TG: variants seen among roughly 807,000 people sequenced by gnomAD.
TG encodes thyroglobulin, also known as thyroid hormones.
Under a neutral mutation model 324.7 loss-of-function variants are expected in TG, and 270 were observed. That is an observed-to-expected ratio of 0.83 (90% CI 0.75 to 0.92). TG has a LOEUF of 0.92. Ranked by LOEUF, TG falls within the 40% of genes least tolerant of loss-of-function variation. The probability of loss-of-function intolerance (pLI) is 0.00; values close to 1 mark genes in which losing one functional copy is unlikely to be tolerated. For synonymous variants in TG, 1,401 were observed against 1,327.0 expected (o/e 1.06, Z -1.21); for missense variants, 3,591 against 3,456.4 (o/e 1.04, Z -0.98).
chr8:132,904,684 A>T (rs1355363377), intron 16 of TG, among the ~76,000 whole-genome samples: 1 of 151,970 alleles, frequency 6.6e-6, no homozygotes, highest in Non-Finnish European at 1.5e-5. Flanking sequence ...CAGGAGGAAA[A>T]CCCCTTTCTA....
Position 132,929,107 on chromosome 8 carries a change from A to C in TG, c.4731A>C (p.Ser1577=). Residue 1577 remains serine, a synonymous_variant, in exon 23 of 48, where the codon TCA becomes TCC. Transcript: ENST00000220616. The part of the protein sequence containing the change: ...MMQKFEKVPE[S]KVIFDANAPV... The stretch of plus-strand genomic sequence containing the variant: ...AGAAGTTTGAGAAGGTTCCAGAATC[A>C]AAGGTGATCTTCGACGCCAATGCTC... 6.2e-7 allele frequency: 1 copy of C among 1,614,066 alleles called. No homozygotes were observed. Among genetic ancestry groups the C allele is most frequent in the South Asian group, 1.1e-5 (1 of 91,084 alleles).
At chr8:132,893,217 GGTGTGTATATGTGGT>G in intron 10 of TG, among the ~76,000 whole-genome samples, 1 of 140,466 alleles carries the variant, frequency 7.1e-6, no homozygotes, top group Non-Finnish European at 1.6e-5. Context: ...ATGTGTGTGT[GGTGTGTATATGTGGT>G]GTGTGTGTAT....
At chr8:133,131,763 G>A in intron 45 of TG, 49 bp from the exon 46 acceptor site, 3 of 1,610,662 alleles carry the variant, frequency 1.9e-6, no homozygotes, top group Non-Finnish European at 2.5e-6. Flanking sequence ...TTTTTGAGTA[G>A]TTTACTTTCT....
At chr8:133,078,957 G>T (rs1309147494) in intron 41 of TG, among the ~76,000 whole-genome samples, 1 of 152,094 alleles carries the variant, frequency 6.6e-6, no homozygotes, top group African/African-American at 2.4e-5. Context: ...TAGGGAGGGG[G>T]CCAGTAGAGG....
chr8:132,917,468 G>T (rs774768632), intron 20 of TG, among the ~76,000 whole-genome samples: 34 of 152,092 alleles, frequency 2.2e-4, no homozygotes, highest in Non-Finnish European at 4.6e-4. Flanking sequence ...TGGTATAAAT[G>T]CAGGGAGTCA....
At position 132,969,494 on chromosome 8, in the gene TG, G is replaced by C; in HGVS notation, c.5900G>C (p.Arg1967Pro). 2 of 1,613,766 alleles carry C rather than the reference G, an allele frequency of 1.2e-6. No individual in the cohort carries two copies. The highest frequency in any genetic ancestry group is 1.7e-4 in the Middle Eastern group (1 of 6,060). Reference sequence around the variant, plus strand: ...GATAAAGTGAAGAACTTTTACACTCGCCTGCCGTTCCAAAAACTGATGGGG... The same window carrying C: ...GATAAAGTGAAGAACTTTTACACTCCCCTGCCGTTCCAAAAACTGATGGGG... ...LEDKVKNFYTRLPFQKLMGIS... is the reference protein window; with the variant it reads ...LEDKVKNFYTPLPFQKLMGIS... Residue 1967 changes from arginine (R) to proline (P), a missense_variant, in exon 32 of 48, where the codon CGC becomes CCC. Coordinates refer to ENST00000220616, the MANE Select transcript of TG (RefSeq NM_003235.5).
intron 38 of TG, 74 bp downstream of exon 38, chr8:133,018,071 C>A: frequency 6.9e-7 from 1 of 1,440,418 alleles, no homozygotes; most frequent in Non-Finnish European, 9.6e-7. Context: ...CCAAATGGGA[C>A]TCAGTAGCAG....
chr8:132,956,877 A>C (rs1474883948), intron 27 of TG, among the ~76,000 whole-genome samples: 1 of 152,034 alleles, frequency 6.6e-6, no homozygotes, highest in Non-Finnish European at 1.5e-5. Flanking sequence ...AAGGGTTTGG[A>C]GGAGAGGAAG....
intron 45 of TG, among the ~76,000 whole-genome samples, chr8:133,117,192 G>T (rs1002121583): frequency 9.9e-5 from 15 of 152,166 alleles, no homozygotes; most frequent in Non-Finnish European, 1.8e-4. Context: ...AAATGAGAAA[G>T]AGAAATAAGG....
At chr8:132,955,578 T>G (rs954383406) in intron 27 of TG, among the ~76,000 whole-genome samples, 6 of 152,222 alleles carry the variant, frequency 3.9e-5, no homozygotes, top group Non-Finnish European at 1.5e-5. Flanking sequence ...ATGTTTTGAA[T>G]GCTATGAATC....
intron 41 of TG, among the ~76,000 whole-genome samples, chr8:133,031,480 G>C (rs1355102786): frequency 2.0e-5 from 3 of 152,178 alleles, no homozygotes; most frequent in Admixed American, 2.0e-4. Flanking sequence ...TGCCCTTCAG[G>C]ACAACCTCTC....
In TG at chr8:132,923,418, G is replaced by T; in HGVS notation, c.4609G>T (p.Gly1537Cys). ...GQYRASQKDR[G>C]SGKAFCVDGE... ...GTATCGAGCCAGCCAGAAGGACAGG[G>T]GCAGTGGGAAGGCCTTCTGTGTGGA... The change falls in exon 22 of 48, where the codon GGC becomes TGC. Residue 1537 changes from glycine (G) to cysteine (C), a missense_variant. Physicochemically the swap from Gly to Cys is radical, Grantham distance 159. Coordinates refer to ENST00000220616, the MANE Select transcript of TG (RefSeq NM_003235.5). 1 of 1,614,148 alleles carries T rather than the reference G, an allele frequency of 6.2e-7. No homozygotes were observed. The highest frequency in any genetic ancestry group is 8.5e-7 in the Non-Finnish European group (1 of 1,180,016).
rs79594547 is a variant in TG, at chr8:132,898,257, A to C, written c.3217+11A>C. 0.012 allele frequency: 19,597 copies of C among 1,583,952 alleles called. 822 individuals carry two copies. Among genetic ancestry groups the C allele is most frequent in the African/African-American group, 0.12 (9,061 of 74,652 alleles). ...TGCAGATTCCACAGTGTAAGTGAAG[A>C]CTGCAGAGTTCTCCTCCTGACCCCC... On this transcript the variant is annotated intron_variant, in intron 13 of 47. Coordinates refer to ENST00000220616, the MANE Select transcript of TG (RefSeq NM_003235.5).
At chr8:132,944,482 A>G (rs567601152) in intron 26 of TG, among the ~76,000 whole-genome samples, 16 of 152,268 alleles carry the variant, frequency 1.1e-4, no homozygotes, top group African/African-American at 3.9e-4. Flanking sequence ...TCCCCAGGCT[A>G]TGAAAGAGTT....
intron 35 of TG, among the ~76,000 whole-genome samples, chr8:132,988,166 G>A (rs950066799): frequency 6.6e-6 from 1 of 152,032 alleles, no homozygotes; most frequent in African/African-American, 2.4e-5. Flanking sequence ...TCTGCACAGT[G>A]GAACTGTTCC....
chr8:133,107,798 T>G (rs1032539508), intron 43 of TG, among the ~76,000 whole-genome samples: 6 of 152,106 alleles, frequency 3.9e-5, no homozygotes, highest in African/African-American at 1.4e-4. Context: ...CTGGGCCTCA[T>G]CCCTCCAGCT....
chr8:132,972,792 C>T, intron 34 of TG, 51 bp downstream of exon 34: 1 of 1,608,942 alleles, frequency 6.2e-7, no homozygotes, highest in Non-Finnish European at 8.5e-7. Context: ...TTAACTATTT[C>T]CCAGCCATGC....
intron 34 of TG, among the ~76,000 whole-genome samples, chr8:132,974,742 G>T (rs1332723458): frequency 6.6e-6 from 1 of 152,196 alleles, no homozygotes; most frequent in African/African-American, 2.4e-5. Flanking sequence ...AATCAAACCA[G>T]TTGGTGGTTT....
At chr8:132,883,102 G>A (rs2132131984) in intron 8 of TG, 103 bp downstream of exon 8, 1 of 1,310,140 alleles carries the variant, frequency 7.6e-7, no homozygotes, top group South Asian at 1.4e-5. Context: ...CTGCCTTCTA[G>A]TGTGCCCCTC....
Sources: gnomAD v4.1 joint callset for allele counts (sites outside exome capture counted in the v4.1 genomes callset) on GRCh38, gnomAD v4.1.1 for gene constraint, MANE v1.5 for transcripts, NCBI Gene and HGNC (gene_info 2026-07-23, HGNC 2026-07-21) for gene names.